Variants in GRIK2 observed in about 807,000 individuals in gnomAD.
The protein encoded by GRIK2 is glutamate receptor ionotropic, kainate 2.
In GRIK2, 32 loss-of-function variants were observed where a neutral mutation model predicts 100.3. The observed-to-expected ratio is 0.32, with a 90% CI of 0.24 to 0.43. The LOEUF is 0.43. Ranked by LOEUF, GRIK2 falls within the 20% of genes least tolerant of loss-of-function variation. The pLI is 1.00. For synonymous variants in GRIK2, 417 were observed against 389.4 expected (o/e 1.07, Z -0.83); for missense variants, 843 against 1,114.9 (o/e 0.76, Z 3.47).
At chr6:102,054,456 G>A (rs1167724099) in intron 15 of GRIK2, among the ~76,000 whole-genome samples, 1 of 151,924 alleles carries the variant, frequency 6.6e-6, no homozygotes, top group Non-Finnish European at 1.5e-5. Flanking sequence ...ATTTCTGGGT[G>A]GGGGAAAGGA....
chr6:101,608,302 T>G (rs557332217), intron 2 of GRIK2, among the ~76,000 whole-genome samples: 172 of 152,008 alleles, frequency 1.1e-3, no homozygotes, highest in African/African-American at 4.0e-3. Flanking sequence ...AACCATGCAT[T>G]TTAACGATTG....
At position 101,575,162 on chromosome 6, in the gene GRIK2, C is replaced by T. The variant is rs572409910; in HGVS notation, c.116-46787C>T. ...TTTCAAAGATAAGGGATAGGTACAACGAAATTCTCCCCAACTCTCAAAAAA... is the reference window on the plus strand; with the variant it reads ...TTTCAAAGATAAGGGATAGGTACAATGAAATTCTCCCCAACTCTCAAAAAA... On this transcript the variant is annotated intron_variant, in intron 2 of 16. Coordinates refer to ENST00000369134, the MANE Select transcript of GRIK2 (RefSeq NM_021956.5). Among the ~76,000 whole-genome samples the T allele has an allele frequency of 2.0e-4, 31 of 151,766 alleles. No individual in the cohort carries two copies. The East Asian group carries it at 3.5e-3, about 17-fold the overall frequency.
intron 2 of GRIK2, among the ~76,000 whole-genome samples, chr6:101,552,231 G>A (rs1776546372): frequency 6.6e-6 from 1 of 152,132 alleles, no homozygotes; most frequent in African/African-American, 2.4e-5. Context: ...TGAGCTGAAA[G>A]TTTTCAAATG....
At chr6:102,038,181 G>A (rs1257063054) in intron 15 of GRIK2, among the ~76,000 whole-genome samples, 1 of 151,380 alleles carries the variant, frequency 6.6e-6, no homozygotes, top group African/African-American at 2.4e-5. Flanking sequence ...TCTAAGTTAG[G>A]CTAGACTACA....
intron 14 of GRIK2, among the ~76,000 whole-genome samples, chr6:101,956,956 GTAAGTTCAGGTGTCTT>G (rs1302210428): frequency 6.6e-6 from 1 of 151,348 alleles, no homozygotes; most frequent in African/African-American, 2.4e-5. Context: ...TGACAAACAT[GTAAGTTCAGGTGTCTT>G]TTTGATATAG....
intron 4 of GRIK2, among the ~76,000 whole-genome samples, chr6:101,676,394 G>A (rs1770842526): frequency 6.6e-6 from 1 of 152,002 alleles, no homozygotes; most frequent in Non-Finnish European, 1.5e-5. Flanking sequence ...TTTGAAACAG[G>A]AATTTCAAGT....
At chr6:101,489,364 G>T (rs1441034994) in intron 2 of GRIK2, among the ~76,000 whole-genome samples, 1 of 146,200 alleles carries the variant, frequency 6.8e-6, no homozygotes, top group Non-Finnish European at 1.5e-5. Flanking sequence ...CTGTAGATCA[G>T]TTAATTATTC....
intron 14 of GRIK2, among the ~76,000 whole-genome samples, chr6:101,933,141 G>A (rs539519705): frequency 3.3e-5 from 5 of 152,016 alleles, no homozygotes; most frequent in East Asian, 1.9e-4. Flanking sequence ...AAGGCATCAC[G>A]CTTAATTTGA....
At chr6:101,657,464 A>C (rs1201003708) in intron 4 of GRIK2, among the ~76,000 whole-genome samples, 2 of 152,192 alleles carry the variant, frequency 1.3e-5, no homozygotes, top group African/African-American at 4.8e-5. Flanking sequence ...TCTTTATAGC[A>C]GTGTGAGAAC....
At chr6:101,441,432 A>G (rs1770045960) in intron 2 of GRIK2, among the ~76,000 whole-genome samples, 1 of 152,170 alleles carries the variant, frequency 6.6e-6, no homozygotes, top group Non-Finnish European at 1.5e-5. Flanking sequence ...GTTGTTTTTC[A>G]TGCATATGGT....
At chr6:102,064,314 C>T (rs1771898103) in intron 16 of GRIK2, among the ~76,000 whole-genome samples, 1 of 147,276 alleles carries the variant, frequency 6.8e-6, no homozygotes, top group Non-Finnish European at 1.5e-5. Flanking sequence ...TCTCCTTCTC[C>T]TCCTCCTTCC....
At chr6:101,690,931 T>C (rs867410414) in intron 7 of GRIK2, among the ~76,000 whole-genome samples, 13 of 152,330 alleles carry the variant, frequency 8.5e-5, no homozygotes, top group Non-Finnish European at 1.3e-4. Flanking sequence ...ATGCACTTTA[T>C]GTATAACTCC....
At chr6:101,418,532 C>T (rs1331458489) in intron 2 of GRIK2, among the ~76,000 whole-genome samples, 2 of 152,202 alleles carry the variant, frequency 1.3e-5, no homozygotes, top group Middle Eastern at 3.4e-3. Flanking sequence ...TCTTTTGTTT[C>T]TTCATTTTCC....
chr6:101,961,344 G>A (rs1792285966), intron 14 of GRIK2, among the ~76,000 whole-genome samples: 1 of 152,044 alleles, frequency 6.6e-6, no homozygotes, highest in Non-Finnish European at 1.5e-5. Flanking sequence ...TGTAGAGTGA[G>A]GGATGGACTC....
At chr6:101,474,480 A>C (rs149999619) in intron 2 of GRIK2, among the ~76,000 whole-genome samples, 3,383 of 151,972 alleles carry the variant, frequency 0.022, 60 homozygotes, top group Non-Finnish European at 0.035. Context: ...AAATGTTCTG[A>C]ATATTTATCT....
chr6:101,469,586 A>T (rs1473483709), intron 2 of GRIK2, among the ~76,000 whole-genome samples: 1 of 152,224 alleles, frequency 6.6e-6, no homozygotes, highest in Non-Finnish European at 1.5e-5. Context: ...GTATAAATTT[A>T]GTACATGGTG....
intron 4 of GRIK2, among the ~76,000 whole-genome samples, chr6:101,663,087 A>T (rs73510619): frequency 0.059 from 8,925 of 152,206 alleles, 857 homozygotes; most frequent in African/African-American, 0.2. Context: ...AAAAGTTCTG[A>T]TAATTGTTAG....
intron 16 of GRIK2, among the ~76,000 whole-genome samples, chr6:102,059,134 G>A (rs891421907): frequency 8.6e-5 from 13 of 150,982 alleles, no homozygotes; most frequent in Non-Finnish European, 1.5e-4. Context: ...TTAAATGAGG[G>A]CAGGTTAAAA....
intron 2 of GRIK2, among the ~76,000 whole-genome samples, chr6:101,435,850 G>A (rs1464482159): frequency 6.6e-6 from 1 of 151,924 alleles, no homozygotes; most frequent in Non-Finnish European, 1.5e-5. Flanking sequence ...AGGACTTGGA[G>A]ACTTTTCAAT....
Sources: allele counts gnomAD v4.1 joint callset (sites outside exome capture counted in the v4.1 genomes callset), GRCh38; gene constraint gnomAD v4.1.1; transcripts MANE v1.5; gene names NCBI Gene and HGNC (gene_info 2026-07-23, HGNC 2026-07-21).